Variants in SDC3 observed in about 807,000 individuals in gnomAD.
SDC3 encodes syndecan-3.
A neutral mutation model predicts 24.4 loss-of-function variants in SDC3; 13 were observed. That is an observed-to-expected ratio of 0.53 (90% CI 0.35 to 0.85). SDC3 has a LOEUF of 0.85. Among genes scored for constraint, SDC3 ranks in the 40% least tolerant of loss-of-function variants. The pLI is 0.01. For missense variants in SDC3, 571 were observed against 584.5 expected (o/e 0.98, Z 0.24); for synonymous variants, 295 against 260.9 (o/e 1.13, Z -1.26).
At chr1:30,897,272 C>T (rs1638294082) in intron 1 of SDC3, among the ~76,000 whole-genome samples, 1 of 152,218 alleles carries the variant, frequency 6.6e-6, no homozygotes, top group Non-Finnish European at 1.5e-5. Context: ...TTGCACTTCT[C>T]TGATCCTCAA....
rs143138196 is a variant in SDC3 at position 30,897,488 on chromosome 1, T to C, written c.138+10961A>G. 1.3e-3 allele frequency among the ~76,000 whole-genome samples: 193 copies of C among 152,186 alleles called. 2 individuals are homozygous for C. The highest frequency in any genetic ancestry group is 4.5e-3 in the African/African-American group (186 of 41,524). On this transcript the variant is annotated intron_variant, in intron 1 of 4. Coordinates refer to ENST00000339394, the MANE Select transcript of SDC3 (RefSeq NM_014654.4). ...GGGTTAGCCTCTGCCCATAGCCCCA[T>C]ACAGACAGAAAATATGCTGCAGAGA... is the stretch of plus-strand genomic sequence containing the variant.
intron 1 of SDC3, among the ~76,000 whole-genome samples, chr1:30,887,542 C>G (rs1361043503): frequency 6.6e-6 from 1 of 152,066 alleles, no homozygotes; most frequent in African/African-American, 2.4e-5. Context: ...ACCAAATCCA[C>G]CCAAACGACG....
chr1:30,872,984 G>A lies in SDC3; in HGVS notation c.*227C>T, dbSNP rs944191616. On this transcript the variant is annotated 3_prime_UTR_variant, in exon 5 of 5. Transcript: ENST00000339394. ...CCCAGACTGGTGGCAGGGATGAGGG[G>A]AACAAGAGATGAGCTCGTAAGGGCA... 1.8e-6 allele frequency: 1 copy of A among 548,200 alleles called. No homozygotes were observed. Among genetic ancestry groups the A allele is most frequent in the Non-Finnish European group, 3.2e-6 (1 of 309,772 alleles). The allele number at this position is 548,200 out of a possible 1,614,324, so 34.0% of individuals were successfully genotyped here.
chr1:30,901,899 A>T lies in SDC3; in HGVS notation c.138+6550T>A, dbSNP rs116773577. Among the ~76,000 whole-genome samples the T allele has an allele frequency of 1.8e-3, 278 of 152,318 alleles. 1 individual carries two copies. Among genetic ancestry groups the T allele is most frequent in the African/African-American group, 6.4e-3 (265 of 41,558 alleles). ...TATTACTTTATATTACTAATTCTCA[A>T]GCAACCCTGAGGTCCCATTTTAAAG... On this transcript the variant is annotated intron_variant, in intron 1 of 4. Transcript: ENST00000339394.
intron 1 of SDC3, 73 bp from the exon 2 acceptor site, chr1:30,878,813 A>T: frequency 8.0e-7 from 1 of 1,248,364 alleles, no homozygotes; most frequent in Admixed American, 1.7e-5. Context: ...GAAGGGCGAC[A>T]GGTGCCCTTG....
At chr1:30,892,788 CAT>C (rs1345297076) in intron 1 of SDC3, among the ~76,000 whole-genome samples, 2 of 152,204 alleles carry the variant, frequency 1.3e-5, no homozygotes, top group East Asian at 3.8e-4. Flanking sequence ...CCTCCAGCTT[CAT>C]AGAGGACAAC....
At position 30,874,419 on chromosome 1, in the gene SDC3, G is replaced by A; in HGVS notation, c.1040C>T (p.Pro347Leu). Reference protein sequence around the residue: ...GGAAAKASSPPGTLPKGARPG... With the variant: ...GGAAAKASSPLGTLPKGARPG... ...GCGGGCACCCTTGGGCAGTGTCCCA[G>A]GTGGAGATGATGCCTTGGCCGCAGC... The change falls in exon 4 of 5, where the codon CCT (proline) becomes CTT (leucine). Residue 347 changes from proline to leucine, a missense_variant. Physicochemically the swap from Pro to Leu is moderately conservative, Grantham distance 98. This residue lies in a region of SDC3 where 497 missense variants were observed against 471.6 expected (regional missense o/e 1.05). Transcript: ENST00000339394. 6.2e-7 allele frequency: 1 copy of A among 1,614,208 alleles called. No homozygotes were observed. The highest frequency in any genetic ancestry group is 8.5e-7 in the Non-Finnish European group (1 of 1,180,028).
chr1:30,876,507 C>T (rs1270587872), intron 3 of SDC3, 45 bp downstream of exon 3: 7 of 1,460,242 alleles, frequency 4.8e-6, no homozygotes, highest in Non-Finnish European at 6.4e-6. Context: ...CTCCCCTGAC[C>T]CACCCTCCTC....
In SDC3 at chr1:30,870,569, G is replaced by C. The variant is rs1639516047; in HGVS notation, c.*2642C>G. On this transcript the variant is annotated 3_prime_UTR_variant, in exon 5 of 5. Coordinates refer to ENST00000339394, the MANE Select transcript of SDC3 (RefSeq NM_014654.4). ...GTCAGGCCGGCCAGGGCAGATTTGG[G>C]CTGGTCAGACTCCTCATCCTCAGGA... The C allele has an allele frequency of 6.6e-6, 1 of 152,408 alleles. No individual in the cohort carries two copies. Among genetic ancestry groups the C allele is most frequent in the African/African-American group, 2.4e-5 (1 of 41,452 alleles). 9.4% of individuals were successfully genotyped at this position (152,408 alleles called of 1,614,324 possible). A position where few individuals can be genotyped will look rare whatever the true frequency, so the allele number is the denominator to read the frequency against.
chr1:30,884,341 C>T (rs1359613827), intron 1 of SDC3, among the ~76,000 whole-genome samples: 1 of 152,136 alleles, frequency 6.6e-6, no homozygotes, highest in South Asian at 2.1e-4. Context: ...CTCACACACT[C>T]AAGCCTCTCA....
chr1:30,909,265 G>A (rs1638603758), upstream of SDC3, among the ~76,000 whole-genome samples: 1 of 152,236 alleles, frequency 6.6e-6, no homozygotes, highest in African/African-American at 2.4e-5. Flanking sequence ...ACACCCAGGG[G>A]CTGTGTGACC....
rs1271436957 is a variant in SDC3 at position 30,873,196 on chromosome 1, G to A, written c.*15C>T. 3.7e-6 allele frequency: 6 copies of A among 1,602,586 alleles called. No individual in the cohort carries two copies. In the South Asian group the frequency reaches 6.6e-5, roughly 18 times the overall value. ...CAGGGTGGTGTTGAGGCTGCAGGGA[G>A]GCACTGTGGCTCCACTAGGCATAGA... On this transcript the variant is annotated 3_prime_UTR_variant, in exon 5 of 5. Coordinates refer to ENST00000339394, the MANE Select transcript of SDC3 (RefSeq NM_014654.4).
In SDC3 at chr1:30,893,319, C is replaced by A. The variant is rs1330284007; in HGVS notation, c.139-14579G>T. Among the ~76,000 whole-genome samples the A allele has an allele frequency of 1.5e-5, 2 of 133,182 alleles. 1 individual carries two copies. The highest frequency in any genetic ancestry group is 4.9e-4 in the East Asian group (2 of 4,094). 87.4% of individuals were successfully genotyped at this position (133,182 alleles called of 152,430 possible). A position where few individuals can be genotyped will look rare whatever the true frequency, so the allele number is the denominator to read the frequency against. On this transcript the variant is annotated intron_variant, in intron 1 of 4. Coordinates refer to ENST00000339394, the MANE Select transcript of SDC3 (RefSeq NM_014654.4). ...CCACCAGGAGCCCCCCCCCCCCCCA[C>A]CATGTCTCATGACCAAACATTTGTC...
rs546701176 is a variant in SDC3, at chr1:30,899,279, G to A, written c.138+9170C>T. Among the ~76,000 whole-genome samples the A allele has an allele frequency of 3.3e-5, 5 of 152,278 alleles. No homozygotes were observed. In the East Asian group the frequency reaches 5.8e-4, roughly 18 times the overall value. ...TTTTTGTATTTTTAGTAGAGATGGGGTTTCACCATGTTGGTCAGGCTGGTC... is the reference window on the plus strand; with the variant it reads ...TTTTTGTATTTTTAGTAGAGATGGGATTTCACCATGTTGGTCAGGCTGGTC... On this transcript the variant is annotated intron_variant, in intron 1 of 4. Coordinates refer to ENST00000339394, the MANE Select transcript of SDC3 (RefSeq NM_014654.4).
intron 4 of SDC3, 48 bp from the exon 5 acceptor site, chr1:30,873,425 C>T (rs749980198): frequency 7.3e-6 from 11 of 1,508,608 alleles, no homozygotes; most frequent in Non-Finnish European, 1.0e-5. Context: ...AGGGTAGAAC[C>T]AGGGCAAAGG....
At chr1:30,892,424 A>G (rs1639919918) in intron 1 of SDC3, among the ~76,000 whole-genome samples, 1 of 150,198 alleles carries the variant, frequency 6.7e-6, no homozygotes, top group Non-Finnish European at 1.5e-5. Flanking sequence ...CCTTAGCCCC[A>G]GGCCCCCAGG....
chr1:30,899,121 C>G (rs978782285), intron 1 of SDC3, among the ~76,000 whole-genome samples: 4 of 152,196 alleles, frequency 2.6e-5, no homozygotes, highest in Non-Finnish European at 5.9e-5. Context: ...GAGTCTCGCT[C>G]TGTTGCCCAG....
chr1:30,887,126 G>A (rs1471875156), intron 1 of SDC3, among the ~76,000 whole-genome samples: 1 of 152,110 alleles, frequency 6.6e-6, no homozygotes. Context: ...GGAGTGAGTA[G>A]AAATGGAGGA....
At chr1:30,898,451 G>C (rs1025699743) in intron 1 of SDC3, among the ~76,000 whole-genome samples, 2 of 152,164 alleles carry the variant, frequency 1.3e-5, no homozygotes, top group Non-Finnish European at 2.9e-5. Context: ...GCTCGGCTGA[G>C]ACCAGACACA....
Sources: gnomAD v4.1 joint callset for allele counts (sites outside exome capture counted in the v4.1 genomes callset) on GRCh38, gnomAD v4.1.1 for gene constraint, gnomAD v4.1.1 regional missense constraint, MANE v1.5 for transcripts, NCBI Gene and HGNC (gene_info 2026-07-23, HGNC 2026-07-21) for gene names.